The following INPP5B variants were observed in gnomAD, a reference collection of about 807,000 sequenced individuals.
INPP5B encodes the protein inositol polyphosphate-5-phosphatase B, also known as type II inositol 1,4,5-trisphosphate 5-phosphatase.
Under a neutral mutation model 118.5 loss-of-function variants are expected in INPP5B, and 90 were observed. The ratio of observed to expected loss-of-function variants is 0.76; its 90% CI spans 0.64 to 0.90. The LOEUF is 0.90. INPP5B is among the 40% of genes least tolerant of loss of function. The pLI is 0.00. For missense variants in INPP5B, 984 were observed against 1,125.6 expected (o/e 0.87, Z 1.80); for synonymous variants, 385 against 418.9 (o/e 0.92, Z 0.99).
chr1:37,892,803 C>T (rs1451999084), intron 7 of INPP5B, among the ~76,000 whole-genome samples: 3 of 152,074 alleles, frequency 2.0e-5, no homozygotes, highest in Non-Finnish European at 4.4e-5. Context: ...GAGTTGGGGC[C>T]TTTAGGTGTG....
chr1:37,882,043 G>A (rs559304544), intron 14 of INPP5B, among the ~76,000 whole-genome samples: 5 of 151,266 alleles, frequency 3.3e-5, no homozygotes, highest in African/African-American at 4.9e-5. Context: ...AGGTTGCAGC[G>A]AGCTGAGGTC....
At chr1:37,917,700 T>C (rs1644922514) in intron 7 of INPP5B, among the ~76,000 whole-genome samples, 1 of 152,054 alleles carries the variant, frequency 6.6e-6, no homozygotes. Flanking sequence ...GAGTTCACGA[T>C]GGGAGGATGG....
intron 7 of INPP5B, among the ~76,000 whole-genome samples, chr1:37,896,714 G>A (rs1240630547): frequency 2.9e-5 from 4 of 136,186 alleles, no homozygotes; most frequent in African/African-American, 5.4e-5. Flanking sequence ...CGCCCCGTCC[G>A]GGAGGGAGGT....
At chr1:37,873,225 A>G (rs1171981997) in intron 18 of INPP5B, 60 bp from the exon 19 acceptor site, 13 of 1,213,692 alleles carry the variant, frequency 1.1e-5, no homozygotes, top group Non-Finnish European at 1.6e-5. Flanking sequence ...AAGGGGAAAG[A>G]AGGCAGGAGG....
intron 7 of INPP5B, among the ~76,000 whole-genome samples, chr1:37,894,023 A>G (rs1456949310): frequency 6.6e-6 from 1 of 152,248 alleles, no homozygotes; most frequent in Non-Finnish European, 1.5e-5. Context: ...CTCTGCTGCT[A>G]TAGTGCAAAA....
chr1:37,883,630 A>C (rs971743806), intron 13 of INPP5B: 1 of 985,294 alleles, frequency 1.0e-6, no homozygotes, highest in African/African-American at 1.7e-5. Flanking sequence ...CCACAAACTA[A>C]AAGCAGACAA....
At chr1:37,934,201 G>A (rs574129931) in intron 6 of INPP5B, among the ~76,000 whole-genome samples, 191 of 152,140 alleles carry the variant, frequency 1.3e-3, no homozygotes, top group African/African-American at 4.4e-3. Flanking sequence ...CAAAAGTGCT[G>A]GGATTACAGG....
At chr1:37,880,528 C>A (rs1643134002) in intron 14 of INPP5B, among the ~76,000 whole-genome samples, 1 of 152,208 alleles carries the variant, frequency 6.6e-6, no homozygotes, top group African/African-American at 2.4e-5. Flanking sequence ...ACCTCCACCT[C>A]CCAGGTTAAA....
At position 37,931,953 on chromosome 1, in the gene INPP5B, C is replaced by A. The variant is rs779608429; in HGVS notation, c.492G>T (p.Ser164=). Residue 164 remains serine, a synonymous_variant, in exon 7 of 24, where the codon TCG becomes TCT. Transcript: ENST00000373024. ...LEMPTPRGCN[S]ALVTWPGYAT... Reference sequence around the variant, plus strand: ...CGTACCCTGGCCAGGTAACTAGGGCCGAGTTACAACCGCGCGGCGTTGGCA... The same window carrying A: ...CGTACCCTGGCCAGGTAACTAGGGCAGAGTTACAACCGCGCGGCGTTGGCA... The A allele has an allele frequency of 6.2e-7, 1 of 1,613,916 alleles. No individual in the cohort carries two copies. The highest frequency in any genetic ancestry group is 1.3e-5 in the African/African-American group (1 of 74,916).
rs962817895 is a variant in INPP5B, at chr1:37,900,620, T to C, written c.533-9166A>G. Among the ~76,000 whole-genome samples, 7 of 148,052 alleles carry C rather than the reference T, an allele frequency of 4.7e-5. No individual in the cohort carries two copies. In the East Asian group the frequency reaches 6.0e-4, roughly 13 times the overall value. On this transcript the variant is annotated intron_variant, in intron 7 of 23. Coordinates refer to ENST00000373024, the MANE Select transcript of INPP5B (RefSeq NM_005540.3). ...CTCCATGTTTACTTTGAATTTTTCT[T>C]TTTTTTTTTCTTTTTTTTTTTTGAG...
At chr1:37,910,778 G>C (rs750464958) in intron 7 of INPP5B, among the ~76,000 whole-genome samples, 8 of 152,086 alleles carry the variant, frequency 5.3e-5, no homozygotes, top group Admixed American at 2.6e-4. Context: ...TTACAGGTTA[G>C]TTCAGGATCT....
At chr1:37,900,004 G>A (rs1393054038) in intron 7 of INPP5B, among the ~76,000 whole-genome samples, 2 of 151,632 alleles carry the variant, frequency 1.3e-5, no homozygotes, top group South Asian at 2.1e-4. Context: ...GTGAGCCACT[G>A]TGCCCGGCTG....
intron 7 of INPP5B, among the ~76,000 whole-genome samples, chr1:37,896,863 G>A (rs1449389960): frequency 6.0e-5 from 8 of 133,204 alleles, no homozygotes; most frequent in African/African-American, 2.0e-4. Context: ...GGGAAGTGAG[G>A]AGCCCCTCTG....
chr1:37,916,261 T>C (rs1277725211), intron 7 of INPP5B, among the ~76,000 whole-genome samples: 2 of 151,942 alleles, frequency 1.3e-5, no homozygotes, highest in Admixed American at 6.6e-5. Context: ...ACCCAGCTTA[T>C]TTTTGAACTT....
At chr1:37,939,021 G>A (rs1335625405) in intron 6 of INPP5B, among the ~76,000 whole-genome samples, 4 of 151,868 alleles carry the variant, frequency 2.6e-5, no homozygotes, top group East Asian at 1.9e-4. Flanking sequence ...TGATGAAACC[G>A]TGTCTCTACC....
At chr1:37,937,138 C>T (rs1477569203) in intron 6 of INPP5B, among the ~76,000 whole-genome samples, 2 of 151,324 alleles carry the variant, frequency 1.3e-5, no homozygotes, top group Non-Finnish European at 2.9e-5. Flanking sequence ...TGGTGAAACC[C>T]CGTCTTTATT....
chr1:37,893,476 C>G (rs769138105), intron 7 of INPP5B, among the ~76,000 whole-genome samples: 3 of 152,054 alleles, frequency 2.0e-5, no homozygotes, highest in Non-Finnish European at 4.4e-5. Flanking sequence ...CAAAGCCTTT[C>G]AATTTTGCTT....
At chr1:37,900,152 G>A (rs1178801845) in intron 7 of INPP5B, among the ~76,000 whole-genome samples, 1 of 146,440 alleles carries the variant, frequency 6.8e-6, no homozygotes, top group African/African-American at 2.6e-5. Flanking sequence ...GGCAATCTCA[G>A]CTCACTGCAG....
At position 37,872,946 on chromosome 1, in the gene INPP5B, T is replaced by G; in HGVS notation, c.2171A>C (p.Glu724Ala). The change falls in exon 19 of 24, where the codon GAA (glutamate) becomes GCA (alanine). Residue 724 changes from glutamate to alanine, a missense_variant. Around this residue, in one of 2 missense-constraint regions of INPP5B, gnomAD observed 634 missense variants for 791.0 expected, o/e 0.80. Transcript: ENST00000373024. ...ATTACTCACCAGCTCACTAATGGTT[T>G]CAAGTGGTAGGTCCAAGATTGGCTC... ...MREPILDLPLETISELTLMPV... is the reference protein window; with the variant it reads ...MREPILDLPLATISELTLMPV... The G allele has an allele frequency of 6.2e-7, 1 of 1,613,740 alleles. No individual in the cohort carries two copies. Among genetic ancestry groups the G allele is most frequent in the South Asian group, 1.1e-5 (1 of 91,076 alleles).
Sources: gnomAD v4.1 joint callset for allele counts (sites outside exome capture counted in the v4.1 genomes callset) on GRCh38, gnomAD v4.1.1 for gene constraint, gnomAD v4.1.1 regional missense constraint, MANE v1.5 for transcripts, NCBI Gene and HGNC (gene_info 2026-07-23, HGNC 2026-07-21) for gene names.